The following ADCY2 variants were observed in gnomAD, a reference collection of about 807,000 sequenced individuals.
ADCY2 encodes the protein adenylate cyclase type 2.
In ADCY2, 31 loss-of-function variants were observed where a neutral mutation model predicts 125.2. The ratio of observed to expected loss-of-function variants is 0.25; its 90% CI spans 0.19 to 0.33. The LOEUF is 0.33. Among genes scored for constraint, ADCY2 ranks in the 10% least tolerant of loss-of-function variants. ADCY2 has a pLI of 1.00. For missense variants in ADCY2, 904 were observed against 1,418.2 expected (o/e 0.64, Z 5.82); for synonymous variants, 512 against 548.4 (o/e 0.93, Z 0.93).
chr5:7,803,399 T>C (rs986048352), intron 21 of ADCY2, among the ~76,000 whole-genome samples: 1 of 152,230 alleles, frequency 6.6e-6, no homozygotes, highest in Non-Finnish European at 1.5e-5. Flanking sequence ...GAAAACGCTC[T>C]TGGTCTCCGG....
intron 3 of ADCY2, among the ~76,000 whole-genome samples, chr5:7,543,258 T>C (rs189491329): frequency 6.6e-6 from 1 of 152,310 alleles, no homozygotes; most frequent in Admixed American, 6.5e-5. Flanking sequence ...AAAGGCATCA[T>C]TAAAATAAAT....
At chr5:7,729,171 C>T (rs74421148) in intron 14 of ADCY2, among the ~76,000 whole-genome samples, 1,836 of 152,224 alleles carry the variant, frequency 0.012, 38 homozygotes, top group African/African-American at 0.042. Context: ...CTTCATTTTT[C>T]TTTCATGTTA....
At chr5:7,601,163 C>T (rs1387564979) in intron 3 of ADCY2, among the ~76,000 whole-genome samples, 6 of 152,180 alleles carry the variant, frequency 3.9e-5, no homozygotes, top group Admixed American at 2.6e-4. Context: ...GACGGAGCCA[C>T]GTGGTCAAAG....
intron 3 of ADCY2, among the ~76,000 whole-genome samples, chr5:7,549,062 C>CATA (rs1446338763): frequency 6.6e-6 from 1 of 152,190 alleles, no homozygotes; most frequent in Non-Finnish European, 1.5e-5. Context: ...GGTAGTGTTA[C>CATA]ATAACTGCTA....
In ADCY2 at chr5:7,653,421, C is replaced by T. The variant is rs35613032; in HGVS notation, c.720+27105C>T. 4.4e-3 allele frequency among the ~76,000 whole-genome samples: 669 copies of T among 152,198 alleles called. 5 individuals are homozygous for T. The highest frequency in any genetic ancestry group is 0.031 in the Middle Eastern group (9 of 294). ...GTAAAAAACGTGAAGACGGCTAACACGGTGAAACCCCATCTCTACTAAAAA... is the reference window on the plus strand; with the variant it reads ...GTAAAAAACGTGAAGACGGCTAACATGGTGAAACCCCATCTCTACTAAAAA... On this transcript the variant is annotated intron_variant, in intron 4 of 24. Transcript: ENST00000338316.
At chr5:7,790,622 G>C (rs326127) in intron 20 of ADCY2, among the ~76,000 whole-genome samples, 151,582 of 152,338 alleles carry the variant, frequency 1, 75,417 homozygotes, top group Middle Eastern at 1. Flanking sequence ...ATGTGTAAAC[G>C]AAGAAGTGTC....
chr5:7,621,184 G>A (rs1020172929), intron 3 of ADCY2, among the ~76,000 whole-genome samples: 2 of 152,068 alleles, frequency 1.3e-5, no homozygotes, highest in African/African-American at 4.8e-5. Flanking sequence ...ATCCTCAGAG[G>A]GGTCACACTT....
chr5:7,735,382 C>G (rs966612313), intron 14 of ADCY2, among the ~76,000 whole-genome samples: 1 of 152,234 alleles, frequency 6.6e-6, no homozygotes, highest in Non-Finnish European at 1.5e-5. Flanking sequence ...GAAGTAGCCA[C>G]AGCACACATC....
chr5:7,792,952 A>G (rs1447587594), intron 20 of ADCY2, among the ~76,000 whole-genome samples: 1 of 152,224 alleles, frequency 6.6e-6, no homozygotes, highest in Non-Finnish European at 1.5e-5. Flanking sequence ...CACGGGACCC[A>G]CATCCACACA....
intron 3 of ADCY2, among the ~76,000 whole-genome samples, chr5:7,528,600 G>C (rs554339999): frequency 6.6e-6 from 1 of 152,172 alleles, no homozygotes; most frequent in African/African-American, 2.4e-5. Context: ...TCCATTAACT[G>C]TCTCTATCCT....
chr5:7,435,904 A>C (rs1415150350), intron 2 of ADCY2, among the ~76,000 whole-genome samples: 1 of 152,232 alleles, frequency 6.6e-6, no homozygotes, highest in East Asian at 1.9e-4. Flanking sequence ...ACTTCTGTAG[A>C]ATGAAGGCAC....
intron 3 of ADCY2, among the ~76,000 whole-genome samples, chr5:7,558,136 C>A (rs1319988541): frequency 6.6e-6 from 1 of 151,810 alleles, no homozygotes; most frequent in Non-Finnish European, 1.5e-5. Flanking sequence ...CACTGCAACC[C>A]CTGCCACCCG....
chr5:7,646,257 T>C (rs1298898960), intron 4 of ADCY2, among the ~76,000 whole-genome samples: 1 of 151,730 alleles, frequency 6.6e-6, no homozygotes, highest in African/African-American at 2.4e-5. Flanking sequence ...TTTAATCAAA[T>C]GATTTTACCT....
chr5:7,461,595 A>G (rs1741919732), intron 2 of ADCY2, among the ~76,000 whole-genome samples: 1 of 152,188 alleles, frequency 6.6e-6, no homozygotes, highest in African/African-American at 2.4e-5. Flanking sequence ...TTCCCAGCCA[A>G]TCCAACCATG....
rs763347773 is a variant in ADCY2 at position 7,573,593 on chromosome 5, CTTTT to C, written c.571-52552_571-52549del. On this transcript the variant is annotated intron_variant, in intron 3 of 24. Coordinates refer to ENST00000338316, the MANE Select transcript of ADCY2 (RefSeq NM_020546.3). Reference sequence around the variant, plus strand: ...GCCTCTGGGATACAGGGTTGATTTTCTTTTTTTTTTTTTTTTTTTTTTTTTGAGA... The same window carrying C: ...GCCTCTGGGATACAGGGTTGATTTTCTTTTTTTTTTTTTTTTTTTTTGAGA... Among the ~76,000 whole-genome samples, 363 of 86,340 alleles carry C rather than the reference CTTTT, an allele frequency of 4.2e-3. 2 individuals carry two copies. The highest frequency in any genetic ancestry group is 0.015 in the African/African-American group (335 of 22,508). 56.6% of individuals were successfully genotyped at this position (86,340 alleles called of 152,430 possible).
intron 3 of ADCY2, among the ~76,000 whole-genome samples, chr5:7,539,958 T>G (rs1456738388): frequency 1.3e-5 from 2 of 152,242 alleles, no homozygotes; most frequent in Non-Finnish European, 2.9e-5. Context: ...CTAAACACAG[T>G]TAATTATTGT....
chr5:7,755,278 A>C (rs558535442), intron 15 of ADCY2, among the ~76,000 whole-genome samples: 3 of 152,166 alleles, frequency 2.0e-5, no homozygotes, highest in Admixed American at 6.5e-5. Context: ...ACTCAGAGAA[A>C]TGAGACGAGG....
chr5:7,763,760 C>T (rs1203843526), intron 16 of ADCY2, among the ~76,000 whole-genome samples: 1 of 152,160 alleles, frequency 6.6e-6, no homozygotes, highest in Admixed American at 6.5e-5. Flanking sequence ...CCTCTGCAGC[C>T]GGTGAGCCTT....
At chr5:7,803,615 C>T (rs984510785) in intron 21 of ADCY2, among the ~76,000 whole-genome samples, 1 of 152,122 alleles carries the variant, frequency 6.6e-6, no homozygotes, top group South Asian at 2.1e-4. Flanking sequence ...TAGTAGGGCT[C>T]GGGCCAGCTG....
Sources: allele counts gnomAD v4.1 joint callset (sites outside exome capture counted in the v4.1 genomes callset), GRCh38; gene constraint gnomAD v4.1.1; transcripts MANE v1.5; gene names NCBI Gene and HGNC (gene_info 2026-07-23, HGNC 2026-07-21).